The following CAMKMT variants were observed in gnomAD, a reference collection of about 807,000 sequenced individuals.
CAMKMT encodes the protein calmodulin-lysine N-methyltransferase.
In CAMKMT, 53 loss-of-function variants were observed where a neutral mutation model predicts 48.0. The ratio of observed to expected loss-of-function variants is 1.10; its 90% CI spans 0.89 to 1.39. CAMKMT has a LOEUF of 1.39. CAMKMT is among the 40% of genes most tolerant of loss of function. CAMKMT has a pLI of 0.00. For synonymous variants in CAMKMT, 165 were observed against 152.3 expected, an observed-to-expected ratio of 1.08 and a Z score of -0.61; for missense variants, 428 against 402.7, an observed-to-expected ratio of 1.06 and a Z score of -0.54.
At chr2:44,688,085 C>T (rs1676441127) in intron 3 of CAMKMT, among the ~76,000 whole-genome samples, 2 of 152,006 alleles carry the variant, frequency 1.3e-5, no homozygotes, top group Non-Finnish European at 1.5e-5. Context: ...CAGTTTGTTG[C>T]AGGAGAATGA....
chr2:44,396,734 A>G (rs1572751714), intron 3 of CAMKMT, among the ~76,000 whole-genome samples: 1 of 150,360 alleles, frequency 6.7e-6, no homozygotes, highest in African/African-American at 2.4e-5. Flanking sequence ...ACTAATGATT[A>G]CCTTTCTAAA....
chr2:44,531,274 C>T (rs1291707427), intron 3 of CAMKMT, among the ~76,000 whole-genome samples: 1 of 152,096 alleles, frequency 6.6e-6, no homozygotes, highest in Non-Finnish European at 1.5e-5. Flanking sequence ...ACACCAGGGT[C>T]ACATAGAGTT....
chr2:44,443,697 T>C (rs1672699771), intron 3 of CAMKMT, among the ~76,000 whole-genome samples: 2 of 152,148 alleles, frequency 1.3e-5, no homozygotes, highest in Admixed American at 6.5e-5. Flanking sequence ...CATTGAACAA[T>C]AGAGCTTGAC....
intron 3 of CAMKMT, among the ~76,000 whole-genome samples, chr2:44,530,362 A>C (rs1266018713): frequency 2.0e-5 from 3 of 152,236 alleles, no homozygotes; most frequent in Non-Finnish European, 4.4e-5. Context: ...ACTTAAAAAT[A>C]TTTAATTAAA....
At chr2:44,531,123 A>G (rs1666463296) in intron 3 of CAMKMT, among the ~76,000 whole-genome samples, 1 of 152,028 alleles carries the variant, frequency 6.6e-6, no homozygotes, top group Non-Finnish European at 1.5e-5. Flanking sequence ...CCCTTCCTGG[A>G]TTATACTGTT....
chr2:44,732,681 AT>A (rs1389375389), intron 7 of CAMKMT, among the ~76,000 whole-genome samples: 1 of 152,088 alleles, frequency 6.6e-6, no homozygotes, highest in Non-Finnish European at 1.5e-5. Context: ...TGTTGAATAT[AT>A]TTTCATGTAC....
chr2:44,549,417 G>T (rs1291853082), intron 3 of CAMKMT: 3 of 593,666 alleles, frequency 5.1e-6, no homozygotes, highest in Non-Finnish European at 2.9e-6. Flanking sequence ...CCCAAGGGAA[G>T]AGAAGAACCT....
intron 3 of CAMKMT, among the ~76,000 whole-genome samples, chr2:44,599,235 CCAT>C (rs977023854): frequency 6.6e-6 from 1 of 152,084 alleles, no homozygotes; most frequent in African/African-American, 2.4e-5. Context: ...AATACTGTGA[CCAT>C]AACTCATAGT....
intron 3 of CAMKMT, among the ~76,000 whole-genome samples, chr2:44,531,938 G>T (rs978925969): frequency 2.0e-5 from 3 of 152,072 alleles, no homozygotes; most frequent in Non-Finnish European, 4.4e-5. Context: ...AAAATAAAAG[G>T]CAGGAAAGGA....
intron 3 of CAMKMT, among the ~76,000 whole-genome samples, chr2:44,437,373 G>T (rs1666327048): frequency 6.6e-6 from 1 of 152,156 alleles, no homozygotes; most frequent in African/African-American, 2.4e-5. Flanking sequence ...TTTGCTTAAA[G>T]AGGCCCCAAG....
chr2:44,486,257 G>A (rs1032234533), intron 3 of CAMKMT, among the ~76,000 whole-genome samples: 6 of 152,146 alleles, frequency 3.9e-5, no homozygotes, highest in Admixed American at 6.5e-5. Flanking sequence ...GTGAGCCACC[G>A]TCTCTGACCT....
intron 2 of CAMKMT, among the ~76,000 whole-genome samples, chr2:44,382,287 T>A (rs1296364948): frequency 1.3e-5 from 2 of 152,028 alleles, no homozygotes; most frequent in Non-Finnish European, 2.9e-5. Flanking sequence ...TAGTATTTAC[T>A]GTAGTTTTCC....
At chr2:44,609,626 T>C (rs1160224203) in intron 3 of CAMKMT, among the ~76,000 whole-genome samples, 1 of 152,238 alleles carries the variant, frequency 6.6e-6, no homozygotes, top group East Asian at 1.9e-4. Context: ...TCTTCATTAC[T>C]AAGTGCTTCT....
intron 3 of CAMKMT, among the ~76,000 whole-genome samples, chr2:44,463,684 G>C (rs1438490411): frequency 6.6e-6 from 1 of 152,130 alleles, no homozygotes; most frequent in Non-Finnish European, 1.5e-5. Flanking sequence ...AACCCTGCCA[G>C]TACCACAGAC....
At chr2:44,597,171 G>A (rs1670714189) in intron 3 of CAMKMT, among the ~76,000 whole-genome samples, 1 of 152,172 alleles carries the variant, frequency 6.6e-6, no homozygotes, top group Admixed American at 6.5e-5. Flanking sequence ...TTGTTGGGTT[G>A]ATGTAGCCAC....
chr2:44,490,311 C>T (rs533004397), intron 3 of CAMKMT, among the ~76,000 whole-genome samples: 15 of 151,858 alleles, frequency 9.9e-5, no homozygotes, highest in Non-Finnish European at 2.1e-4. Flanking sequence ...GTTTTGCTCT[C>T]GTTGCCCAGA....
intron 3 of CAMKMT, among the ~76,000 whole-genome samples, chr2:44,423,376 T>TA (rs1337175776): frequency 6.6e-6 from 1 of 152,098 alleles, no homozygotes; most frequent in South Asian, 2.1e-4. Flanking sequence ...GACGGGGTGT[T>TA]ACCATATTGG....
At chr2:44,761,416 A>G (rs1680614260) in intron 9 of CAMKMT, among the ~76,000 whole-genome samples, 1 of 152,212 alleles carries the variant, frequency 6.6e-6, no homozygotes, top group Admixed American at 6.5e-5. Flanking sequence ...TGCCTGCCAT[A>G]CCAAGAAGGT....
At chr2:44,676,136 G>A (rs1190711328) in intron 3 of CAMKMT, among the ~76,000 whole-genome samples, 1 of 152,154 alleles carries the variant, frequency 6.6e-6, no homozygotes, top group African/African-American at 2.4e-5. Context: ...ACTCATTGAG[G>A]TTGCACAGCT....
Sources: gnomAD v4.1 joint callset for allele counts (sites outside exome capture counted in the v4.1 genomes callset) on GRCh38, gnomAD v4.1.1 for gene constraint, MANE v1.5 for transcripts, NCBI Gene and HGNC (gene_info 2026-07-23, HGNC 2026-07-21) for gene names.